Variants in PDS5B observed in about 807,000 individuals in gnomAD.
PDS5B encodes sister chromatid cohesion protein PDS5 homolog B.
In PDS5B, 51 loss-of-function variants were observed where a neutral mutation model predicts 184.1. The ratio of observed to expected loss-of-function variants is 0.28; its 90% CI spans 0.22 to 0.35. PDS5B has a LOEUF of 0.35. Among genes scored for constraint, PDS5B ranks in the 10% least tolerant of loss-of-function variants. The pLI, the probability that PDS5B is intolerant of heterozygous loss-of-function variation, is 1.00. For missense variants in PDS5B, 1,180 were observed against 1,723.3 expected, an observed-to-expected ratio of 0.68 and a Z score of 5.58; for synonymous variants, 566 against 569.2, an observed-to-expected ratio of 0.99 and a Z score of 0.08.
intron 23 of PDS5B, among the ~76,000 whole-genome samples, chr13:32,744,977 C>A (rs922555017): frequency 2.6e-5 from 4 of 152,142 alleles, no homozygotes; most frequent in Admixed American, 2.6e-4. Flanking sequence ...TAAGGAGTTA[C>A]AACTTCTCCC....
chr13:32,745,542 T>C (rs1373626244), intron 23 of PDS5B, among the ~76,000 whole-genome samples: 1 of 152,198 alleles, frequency 6.6e-6, no homozygotes, highest in African/African-American at 2.4e-5. Context: ...ACTGCTGTAA[T>C]AAAATACCAG....
At chr13:32,706,581 C>A (rs1952026328) in intron 17 of PDS5B, among the ~76,000 whole-genome samples, 1 of 151,982 alleles carries the variant, frequency 6.6e-6, no homozygotes, top group Non-Finnish European at 1.5e-5. Flanking sequence ...GTATATTGTT[C>A]TACTTACTGG....
chr13:32,728,733 A>C (rs925491713), intron 19 of PDS5B, among the ~76,000 whole-genome samples: 1 of 152,168 alleles, frequency 6.6e-6, no homozygotes, highest in African/African-American at 2.4e-5. Flanking sequence ...ATCAGGGATC[A>C]CATTTCTCTG....
At chr13:32,734,258 C>G (rs920965362) in intron 20 of PDS5B, among the ~76,000 whole-genome samples, 1 of 152,088 alleles carries the variant, frequency 6.6e-6, no homozygotes, top group Non-Finnish European at 1.5e-5. Flanking sequence ...AACTCCTGAC[C>G]TCAGGTGATC....
chr13:32,758,029 A>G (rs1206397956), intron 26 of PDS5B, 58 bp from the exon 27 acceptor site: 1 of 677,016 alleles, frequency 1.5e-6, no homozygotes, highest in Non-Finnish European at 2.2e-6. Flanking sequence ...TATTGTATCT[A>G]TATTTAACAA....
chr13:32,733,962 A>G (rs988567191), intron 20 of PDS5B, among the ~76,000 whole-genome samples: 3 of 147,172 alleles, frequency 2.0e-5, no homozygotes, highest in Non-Finnish European at 4.5e-5. Flanking sequence ...TATTTTAGTC[A>G]CCCTTCTGAT....
chr13:32,770,232 A>G lies in PDS5B; in HGVS notation c.3736A>G (p.Ser1246Gly). The G allele has an allele frequency of 1.2e-6, 2 of 1,614,096 alleles. No individual in the cohort carries two copies. The highest frequency in any genetic ancestry group is 1.7e-5 in the Admixed American group (1 of 60,020). The change falls in exon 32 of 35, where the codon AGT becomes GGT. Residue 1246 changes from serine (S) to glycine (G), a missense_variant. By Grantham distance (56) the Ser-to-Gly change is moderately conservative (BLOSUM62 0). This residue lies in a region of PDS5B where 465 missense variants were observed against 497.8 expected (regional missense o/e 0.93). Transcript: ENST00000315596. ...KLVQEQKPKGSQRSRKRGHTA... is the reference protein window; with the variant it reads ...KLVQEQKPKGGQRSRKRGHTA... ...GGTACAGGAACAGAAACCTAAAGGC[A>G]GTCAGCGAAGTCGGAAAAGAGGCCA...
chr13:32,661,787 A>T (rs909468730), intron 6 of PDS5B, among the ~76,000 whole-genome samples: 1 of 152,182 alleles, frequency 6.6e-6, no homozygotes, highest in Admixed American at 6.5e-5. Flanking sequence ...ATGTAAAGGC[A>T]TGGCCCTTAC....
Position 32,688,527 on chromosome 13 carries a change from G to C in PDS5B, c.1427G>C (p.Cys476Ser). 6.2e-7 allele frequency: 1 copy of C among 1,607,336 alleles called. No individual in the cohort carries two copies. The highest frequency in any genetic ancestry group is 8.5e-7 in the Non-Finnish European group (1 of 1,174,122). The change falls in exon 13 of 35, where the codon TGC becomes TCC. Residue 476 changes from cysteine to serine, a missense_variant. By Grantham distance (112) the Cys-to-Ser change is moderately radical. Around this residue, in one of 11 missense-constraint regions of PDS5B, gnomAD observed 475 missense variants for 691.5 expected, o/e 0.69. Transcript: ENST00000315596. ...HNLETTERMKCLYYLYATLDL... is the reference protein window; with the variant it reads ...HNLETTERMKSLYYLYATLDL... ...TTAGAAACTACAGAACGGATGAAAT[G>C]CTTATATTACTTGTATGCCACACTG...
intron 26 of PDS5B, 131 bp downstream of exon 26, chr13:32,756,087 T>G: frequency 5.8e-6 from 3 of 519,650 alleles, no homozygotes; most frequent in Non-Finnish European, 1.0e-5. Flanking sequence ...GTTCTTTATT[T>G]GCTCTCTTGT....
chr13:32,623,495 C>T (rs1371578970), intron 1 of PDS5B, among the ~76,000 whole-genome samples: 1 of 118,814 alleles, frequency 8.4e-6, no homozygotes. Context: ...ATCCTCCTTG[C>T]TTTAAACTAT....
At chr13:32,652,576 T>TC (rs1950395237) in intron 3 of PDS5B, 2 of 71,702 alleles carry the variant, frequency 2.8e-5, no homozygotes, top group Admixed American at 3.1e-4. Flanking sequence ...TGTCTCTACT[T>TC]TAAAAAAAAA....
intron 1 of PDS5B, among the ~76,000 whole-genome samples, chr13:32,590,526 T>C (rs1042519140): frequency 6.6e-6 from 1 of 152,148 alleles, no homozygotes; most frequent in Non-Finnish European, 1.5e-5. Flanking sequence ...GCTCTTTTTA[T>C]GTGGGAGAGT....
chr13:32,691,109 C>T (rs1451017868), intron 13 of PDS5B: 2 of 110 alleles, frequency 0.018, no homozygotes, highest in Non-Finnish European at 0.038. Flanking sequence ...ACTTTTCTCC[C>T]ATTCATCTTC....
intron 1 of PDS5B, among the ~76,000 whole-genome samples, chr13:32,606,830 A>G (rs2058067639): frequency 6.6e-6 from 1 of 152,132 alleles, no homozygotes; most frequent in Non-Finnish European, 1.5e-5. Context: ...TCAATCACTC[A>G]TACCCTTTCT....
At chr13:32,598,732 C>T (rs1271725489) in intron 1 of PDS5B, among the ~76,000 whole-genome samples, 1 of 148,862 alleles carries the variant, frequency 6.7e-6, no homozygotes, top group African/African-American at 2.5e-5. Flanking sequence ...GATATTTTTG[C>T]TGGATATAGA....
chr13:32,714,558 G>C (rs547327408), intron 19 of PDS5B, among the ~76,000 whole-genome samples: 1 of 152,154 alleles, frequency 6.6e-6, no homozygotes, highest in Non-Finnish European at 1.5e-5. Context: ...GCGCACCTGG[G>C]GGGGCTGTTT....
At chr13:32,688,184 T>C (rs1951449512) in intron 12 of PDS5B, among the ~76,000 whole-genome samples, 1 of 123,966 alleles carries the variant, frequency 8.1e-6, no homozygotes, top group South Asian at 2.3e-4. Context: ...ATTATACAGA[T>C]AAAGAAAAAA....
chr13:32,625,395 A>G (rs1029441061), intron 1 of PDS5B, among the ~76,000 whole-genome samples: 1 of 152,190 alleles, frequency 6.6e-6, no homozygotes, highest in Non-Finnish European at 1.5e-5. Context: ...TTAGTTTTAC[A>G]TATACAAATC....
Sources: gnomAD v4.1 joint callset for allele counts (sites outside exome capture counted in the v4.1 genomes callset) on GRCh38, gnomAD v4.1.1 for gene constraint, gnomAD v4.1.1 regional missense constraint, MANE v1.5 for transcripts, NCBI Gene and HGNC (gene_info 2026-07-23, HGNC 2026-07-21) for gene names.